MDGA2: variants seen among roughly 807,000 people sequenced by gnomAD.
MDGA2 encodes the protein MAM domain-containing glycosylphosphatidylinositol anchor protein 2.
MDGA2 carries 40 observed loss-of-function variants against 117.8 expected under a neutral mutation model. The observed-to-expected ratio is 0.34, with a 90% CI of 0.26 to 0.44. The LOEUF is 0.44. Ranked by LOEUF, MDGA2 falls within the 20% of genes least tolerant of loss-of-function variation. The pLI, the probability that MDGA2 is intolerant of heterozygous loss-of-function variation, is 1.00. For synonymous variants in MDGA2, 452 were observed against 439.0 expected, an observed-to-expected ratio of 1.03 and a Z score of -0.37; for missense variants, 1,123 against 1,250.6, an observed-to-expected ratio of 0.90 and a Z score of 1.54.
intron 1 of MDGA2, among the ~76,000 whole-genome samples, chr14:47,641,573 G>A (rs1214614030): frequency 2.0e-5 from 3 of 152,066 alleles, no homozygotes; most frequent in African/African-American, 7.2e-5. Flanking sequence ...GTTGAATGGT[G>A]GCCAGGAGTT....
At chr14:47,141,949 G>C (rs1882738406) in intron 4 of MDGA2, among the ~76,000 whole-genome samples, 1 of 152,152 alleles carries the variant, frequency 6.6e-6, no homozygotes, top group Non-Finnish European at 1.5e-5. Flanking sequence ...ATGATACAAT[G>C]TGTAGACATG....
At chr14:47,614,899 G>GT (rs1237492544) in intron 1 of MDGA2, among the ~76,000 whole-genome samples, 2 of 152,002 alleles carry the variant, frequency 1.3e-5, no homozygotes, top group Non-Finnish European at 2.9e-5. Flanking sequence ...TTAGAATATT[G>GT]TATCTATTAA....
intron 1 of MDGA2, among the ~76,000 whole-genome samples, chr14:47,389,782 C>A (rs1891852233): frequency 6.6e-6 from 1 of 152,078 alleles, no homozygotes; most frequent in Admixed American, 6.6e-5. Flanking sequence ...AAACCTGTTG[C>A]CAGAGTCAAG....
intron 14 of MDGA2, among the ~76,000 whole-genome samples, chr14:46,869,649 C>T (rs1340987288): frequency 2.6e-5 from 4 of 151,880 alleles, no homozygotes; most frequent in Admixed American, 2.6e-4. Flanking sequence ...GGGCATTTCT[C>T]TCCCCTTGGG....
At chr14:47,423,943 C>T (rs1273210792) in intron 1 of MDGA2, among the ~76,000 whole-genome samples, 2 of 152,036 alleles carry the variant, frequency 1.3e-5, no homozygotes, top group Admixed American at 6.6e-5. Context: ...TCCCAAGTAG[C>T]TTGGAATTAC....
chr14:47,231,379 A>C (rs188096004), intron 2 of MDGA2, among the ~76,000 whole-genome samples: 22 of 152,216 alleles, frequency 1.4e-4, no homozygotes, highest in Admixed American at 9.8e-4. Context: ...AAAGTAGTAC[A>C]TGAACAAGCT....
intron 3 of MDGA2, among the ~76,000 whole-genome samples, chr14:47,171,135 A>T (rs1884111596): frequency 1.3e-5 from 2 of 152,160 alleles, no homozygotes; most frequent in Admixed American, 6.5e-5. Flanking sequence ...ATAACGTTTT[A>T]AAAAATTGCT....
At chr14:47,063,081 A>G (rs1269433139) in intron 6 of MDGA2, among the ~76,000 whole-genome samples, 2 of 152,056 alleles carry the variant, frequency 1.3e-5, no homozygotes, top group East Asian at 3.9e-4. Flanking sequence ...CATAGATTAG[A>G]GGCCAACTTA....
At chr14:47,417,198 G>A (rs1892492733) in intron 1 of MDGA2, among the ~76,000 whole-genome samples, 1 of 152,102 alleles carries the variant, frequency 6.6e-6, no homozygotes, top group African/African-American at 2.4e-5. Context: ...TAAAAATTCT[G>A]TCTTTAAATA....
chr14:46,864,547 T>TG (rs1234830169), intron 14 of MDGA2, among the ~76,000 whole-genome samples: 1 of 33,566 alleles, frequency 3.0e-5, no homozygotes, highest in Admixed American at 2.0e-4. Flanking sequence ...ATATTGCTGT[T>TG]TTTTTTTTTT....
intron 1 of MDGA2, among the ~76,000 whole-genome samples, chr14:47,488,017 G>C (rs1002120531): frequency 6.6e-6 from 1 of 152,098 alleles, no homozygotes; most frequent in Non-Finnish European, 1.5e-5. Context: ...AATGCAGGCT[G>C]TCTTGTAGGA....
chr14:46,961,606 C>T (rs552416640), intron 8 of MDGA2, among the ~76,000 whole-genome samples: 87 of 151,780 alleles, frequency 5.7e-4, no homozygotes, highest in African/African-American at 1.9e-3. Flanking sequence ...GCTTATCTTC[C>T]ATTTCTTTAA....
At chr14:47,185,899 T>C (rs960222276) in intron 3 of MDGA2, among the ~76,000 whole-genome samples, 2 of 151,628 alleles carry the variant, frequency 1.3e-5, no homozygotes, top group Non-Finnish European at 3.0e-5. Context: ...CAAATATAGA[T>C]GACAAATCAA....
intron 3 of MDGA2, among the ~76,000 whole-genome samples, chr14:47,172,642 C>G (rs948451128): frequency 6.6e-6 from 1 of 152,108 alleles, no homozygotes; most frequent in Non-Finnish European, 1.5e-5. Flanking sequence ...ACCAAAAACC[C>G]ATCTGTACAT....
At chr14:47,093,616 C>T (rs948094009) in intron 6 of MDGA2, among the ~76,000 whole-genome samples, 3 of 152,162 alleles carry the variant, frequency 2.0e-5, no homozygotes, top group South Asian at 2.1e-4. Flanking sequence ...TAAGAAAAGG[C>T]ATTGATGCTA....
intron 3 of MDGA2, among the ~76,000 whole-genome samples, chr14:47,176,500 A>G (rs1884455474): frequency 1.3e-5 from 2 of 152,144 alleles, no homozygotes; most frequent in South Asian, 4.1e-4. Context: ...AACACTGCAT[A>G]TCTACAACTA....
intron 1 of MDGA2, among the ~76,000 whole-genome samples, chr14:47,493,570 G>A (rs1024706397): frequency 2.0e-5 from 3 of 151,706 alleles, no homozygotes; most frequent in Non-Finnish European, 2.9e-5. Flanking sequence ...CACCCACCTC[G>A]GCCTCCCAAA....
At chr14:46,893,359 G>T (rs1882953859) in intron 10 of MDGA2, among the ~76,000 whole-genome samples, 1 of 151,956 alleles carries the variant, frequency 6.6e-6, no homozygotes. Flanking sequence ...GTGTAAGTGT[G>T]AGGAAAATGG....
At chr14:47,077,732 C>A (rs1309458149) in intron 6 of MDGA2, among the ~76,000 whole-genome samples, 3 of 151,464 alleles carry the variant, frequency 2.0e-5, no homozygotes, top group Non-Finnish European at 2.9e-5. Context: ...GCAATAAATT[C>A]TATATATTTT....
Sources: gnomAD v4.1 joint callset for allele counts (sites outside exome capture counted in the v4.1 genomes callset) on GRCh38, gnomAD v4.1.1 for gene constraint, MANE v1.5 for transcripts, NCBI Gene and HGNC (gene_info 2026-07-23, HGNC 2026-07-21) for gene names.